MARVELD2: variants seen among roughly 807,000 people sequenced by gnomAD.
The protein encoded by MARVELD2 is MARVEL domain containing 2, also known as MARVEL domain-containing protein 2.
Under a neutral mutation model 57.6 loss-of-function variants are expected in MARVELD2, and 49 were observed. That is an observed-to-expected ratio of 0.85 (90% CI 0.68 to 1.08). MARVELD2 has a LOEUF of 1.08. MARVELD2 is among the 50% of genes least tolerant of loss of function. The probability of loss-of-function intolerance (pLI) is 0.00; values close to 1 mark genes in which losing one functional copy is unlikely to be tolerated. For synonymous variants in MARVELD2, 238 were observed against 258.8 expected (o/e 0.92, Z 0.77); for missense variants, 606 against 701.1 (o/e 0.86, Z 1.53).
chr5:69,419,544 A>G lies in MARVELD2; in HGVS notation c.159A>G (p.Leu53=), dbSNP rs1766536430. ...CCTTGCCACCACCCCCTCTCCCATTACAGCCACCATTCGGCCCAGACTTCT... is the reference window on the plus strand; with the variant it reads ...CCTTGCCACCACCCCCTCTCCCATTGCAGCCACCATTCGGCCCAGACTTCT... ...ADPLPPPPLP[L]QPPFGPDFYS... Residue 53 remains leucine (L), a synonymous_variant, in exon 2 of 7, where the codon TTA becomes TTG. Coordinates refer to ENST00000325631, the MANE Select transcript of MARVELD2 (RefSeq NM_001038603.3). 6.2e-7 allele frequency: 1 copy of G among 1,614,032 alleles called. No individual in the cohort carries two copies. The highest frequency in any genetic ancestry group is 8.5e-7 in the Non-Finnish European group (1 of 1,180,040).
intron 6 of MARVELD2, among the ~76,000 whole-genome samples, chr5:69,440,885 C>G (rs1016337928): frequency 1.3e-5 from 2 of 152,184 alleles, no homozygotes; most frequent in Non-Finnish European, 2.9e-5. Context: ...GAGTTTGAGA[C>G]CAGCCTGGGC....
chr5:69,417,813 C>A (rs1766476374), intron 1 of MARVELD2, among the ~76,000 whole-genome samples: 2 of 151,984 alleles, frequency 1.3e-5, no homozygotes, highest in Admixed American at 1.3e-4. Context: ...GTGGCGAGCA[C>A]CTGTAGTCCC....
chr5:69,427,040 C>T (rs1310088506), intron 3 of MARVELD2, among the ~76,000 whole-genome samples: 2 of 152,190 alleles, frequency 1.3e-5, no homozygotes, highest in Non-Finnish European at 2.9e-5. Flanking sequence ...GGGGAAATTG[C>T]TTACTTTCTC....
intron 2 of MARVELD2, among the ~76,000 whole-genome samples, chr5:69,423,231 CA>C (rs1167257409): frequency 1.3e-5 from 2 of 152,176 alleles, no homozygotes; most frequent in East Asian, 1.9e-4. Context: ...GAATGGGAAA[CA>C]AATCGTTTTG....
At chr5:69,441,500 G>A in intron 6 of MARVELD2, 32 bp from the exon 7 acceptor site, 3 of 1,603,826 alleles carry the variant, frequency 1.9e-6, no homozygotes, top group Non-Finnish European at 2.6e-6. Flanking sequence ...AGGAAGCCAG[G>A]AGCCAAAATA....
At chr5:69,417,938 C>CAA (rs759672131) in intron 1 of MARVELD2, among the ~76,000 whole-genome samples, 202 of 93,148 alleles carry the variant, frequency 2.2e-3, no homozygotes, top group African/African-American at 7.6e-3. Context: ...GACTCTGTCT[C>CAA]AAAAAAAAAA....
chr5:69,432,160 G>A (rs1489235945), intron 3 of MARVELD2, among the ~76,000 whole-genome samples: 2 of 152,062 alleles, frequency 1.3e-5, no homozygotes, highest in South Asian at 2.1e-4. Flanking sequence ...ATAGGCACCC[G>A]CCACCACTCC....
At chr5:69,419,245 A>G (rs1766520210) in intron 1 of MARVELD2, 126 bp from the exon 2 acceptor site, 5 of 987,414 alleles carry the variant, frequency 5.1e-6, no homozygotes, top group Middle Eastern at 2.1e-4. Flanking sequence ...TCATTTTTGT[A>G]TATCATAATA....
chr5:69,435,317 A>T (rs2150929326), intron 5 of MARVELD2, among the ~76,000 whole-genome samples: 1 of 152,020 alleles, frequency 6.6e-6, no homozygotes, highest in Non-Finnish European at 1.5e-5. Context: ...TCCGGCCCAG[A>T]TGTACTCTTT....
At chr5:69,425,865 A>T (rs2150920901) in intron 3 of MARVELD2, among the ~76,000 whole-genome samples, 1 of 151,580 alleles carries the variant, frequency 6.6e-6, no homozygotes, top group East Asian at 1.9e-4. Context: ...AGTAGCTGGG[A>T]CTACAGGTGC....
rs188730988 is a variant in MARVELD2 at position 69,431,648 on chromosome 5, T to C, written c.1183-879T>C. 3.4e-4 allele frequency among the ~76,000 whole-genome samples: 52 copies of C among 152,110 alleles called. No individual in the cohort carries two copies. The East Asian group carries it at 7.4e-3, about 22-fold the overall frequency. On this transcript the variant is annotated intron_variant, in intron 3 of 6. Coordinates refer to ENST00000325631, the MANE Select transcript of MARVELD2 (RefSeq NM_001038603.3). ...TCATCCACCTTTGACATGTACACGA[T>C]TGGGGCTGGAGTGTGTTTTACCTAC...
At chr5:69,415,220 G>C (rs1277046461) in intron 1 of MARVELD2, 50 bp downstream of exon 1, 1 of 152,320 alleles carries the variant, frequency 6.6e-6, no homozygotes, top group Non-Finnish European at 1.5e-5. Flanking sequence ...AGGGCCCGGC[G>C]GCCCCCGGCC....
intron 1 of MARVELD2, among the ~76,000 whole-genome samples, chr5:69,416,366 T>C (rs1166474806): frequency 2.0e-5 from 3 of 152,250 alleles, no homozygotes; most frequent in African/African-American, 7.2e-5. Flanking sequence ...TCACAGTTAA[T>C]CCTCTAAGGT....
intron 5 of MARVELD2, among the ~76,000 whole-genome samples, chr5:69,436,430 CACACACACACACACACACACACAT>C (rs1195486030): frequency 8.4e-5 from 12 of 142,286 alleles, no homozygotes; most frequent in African/African-American, 1.5e-4. Context: ...CACACACACA[CACACACACACACACACACACACAT>C]ATATATAAAT....
chr5:69,441,448 T>C (rs1337303166), intron 6 of MARVELD2, 84 bp from the exon 7 acceptor site: 1 of 1,521,886 alleles, frequency 6.6e-7, no homozygotes, highest in African/African-American at 1.4e-5. Flanking sequence ...CTATGTATGA[T>C]CATTTCCTGG....
At chr5:69,437,381 TAA>T (rs36086491) in intron 5 of MARVELD2, among the ~76,000 whole-genome samples, 47,427 of 99,238 alleles carry the variant, frequency 0.48, 10,370 homozygotes, top group Admixed American at 0.51. Context: ...AACTCTGTCT[TAA>T]AAAAAAAAAA....
At chr5:69,441,248 C>CT (rs2150935089) in intron 6 of MARVELD2, among the ~76,000 whole-genome samples, 1 of 151,954 alleles carries the variant, frequency 6.6e-6, no homozygotes, top group East Asian at 1.9e-4. Flanking sequence ...TCCTGAGTTG[C>CT]TGGGACTACA....
At chr5:69,440,839 T>C (rs564398773) in intron 6 of MARVELD2, among the ~76,000 whole-genome samples, 29 of 152,358 alleles carry the variant, frequency 1.9e-4, no homozygotes, top group Non-Finnish European at 3.7e-4. Flanking sequence ...TCCCAGCACT[T>C]TGGGAAGCCA....
chr5:69,443,051 G>T lies in MARVELD2; in HGVS notation c.*1397G>T, dbSNP rs1224949894. Reference sequence around the variant, plus strand: ...TCACCGTGTTAGCCAGGATGATCTCGATCTCCTGACCTCATGATCCACCCG... The same window carrying T: ...TCACCGTGTTAGCCAGGATGATCTCTATCTCCTGACCTCATGATCCACCCG... On this transcript the variant is annotated 3_prime_UTR_variant, in exon 7 of 7. Coordinates refer to ENST00000325631, the MANE Select transcript of MARVELD2 (RefSeq NM_001038603.3). The T allele has an allele frequency of 6.6e-6, 1 of 151,074 alleles. No homozygotes were observed. Among genetic ancestry groups the T allele is most frequent in the African/African-American group, 2.4e-5 (1 of 41,038 alleles). The allele number at this position is 151,074 out of a possible 1,614,324, so 9.4% of individuals were successfully genotyped here. A position where few individuals can be genotyped will look rare whatever the true frequency, so the allele number is the denominator to read the frequency against.
Sources: allele counts gnomAD v4.1 joint callset (sites outside exome capture counted in the v4.1 genomes callset), GRCh38; gene constraint gnomAD v4.1.1; transcripts MANE v1.5; gene names NCBI Gene and HGNC (gene_info 2026-07-23, HGNC 2026-07-21).